Variants in USP34 observed in about 807,000 individuals in gnomAD.
USP34 encodes ubiquitin carboxyl-terminal hydrolase 34.
USP34 carries 70 observed loss-of-function variants against 460.3 expected under a neutral mutation model. The observed-to-expected ratio is 0.15, with a 90% CI of 0.13 to 0.19. USP34 has a LOEUF of 0.19. Ranked by LOEUF, USP34 falls within the 10% of genes least tolerant of loss-of-function variation. The pLI is 1.00. For missense variants in USP34, 3,985 were observed against 4,236.2 expected (o/e 0.94, Z 1.65); for synonymous variants, 1,647 against 1,405.3 (o/e 1.17, Z -3.85).
At chr2:61,381,275 C>T (rs1410107124) in intron 6 of USP34, among the ~76,000 whole-genome samples, 2 of 150,976 alleles carry the variant, frequency 1.3e-5, no homozygotes, top group Non-Finnish European at 3.0e-5. Context: ...AACACACACA[C>T]ACACACACAC....
Position 61,373,883 on chromosome 2 carries a change from G to A in USP34, c.1077-3304C>T, listed in dbSNP as rs139166206. Among the ~76,000 whole-genome samples the A allele has an allele frequency of 8.2e-4, 125 of 152,158 alleles. 1 individual carries two copies. Among genetic ancestry groups the A allele is most frequent in the African/African-American group, 2.9e-3 (119 of 41,520 alleles). ...AAGAGAAAATGGCGTGGCCAAGTAC[G>A]GTGGCTCACACCTGTAATCCCAGCA... On this transcript the variant is annotated intron_variant, in intron 8 of 79. Coordinates refer to ENST00000398571, the MANE Select transcript of USP34 (RefSeq NM_014709.4).
intron 25 of USP34, among the ~76,000 whole-genome samples, chr2:61,313,791 T>C (rs994097531): frequency 1.3e-5 from 2 of 152,094 alleles, no homozygotes; most frequent in Admixed American, 6.6e-5. Context: ...ATGTTATTTA[T>C]AAGGAATGTA....
chr2:61,397,571 G>A (rs1386781106), intron 3 of USP34, among the ~76,000 whole-genome samples: 1 of 152,124 alleles, frequency 6.6e-6, no homozygotes, highest in East Asian at 1.9e-4. Flanking sequence ...TTCAAAACCA[G>A]CCTGGCCAAC....
chr2:61,236,690 A>G (rs531808799), intron 53 of USP34, among the ~76,000 whole-genome samples: 64 of 152,246 alleles, frequency 4.2e-4, no homozygotes, highest in Non-Finnish European at 8.2e-4. Flanking sequence ...TGAATGAAAT[A>G]TAAGTCATGT....
At chr2:61,257,002 T>G in intron 46 of USP34, 50 bp downstream of exon 46, 1 of 1,426,040 alleles carries the variant, frequency 7.0e-7, no homozygotes, top group Non-Finnish European at 9.2e-7. Flanking sequence ...ATAATATAAA[T>G]GAAAATATAT....
intron 49 of USP34, among the ~76,000 whole-genome samples, chr2:61,247,649 C>T (rs929524001): frequency 6.6e-6 from 1 of 152,134 alleles, no homozygotes; most frequent in Non-Finnish European, 1.5e-5. Context: ...CCATCTCAGC[C>T]TCCTAATAGC....
At chr2:61,294,886 A>G (rs1401961466) in intron 32 of USP34, 63 bp downstream of exon 32, 12 of 1,334,184 alleles carry the variant, frequency 9.0e-6, no homozygotes, top group African/African-American at 3.0e-5. Flanking sequence ...TATGGTACCC[A>G]CTTTTGAAAA....
At chr2:61,230,925 T>A (rs2103831498) in intron 58 of USP34, among the ~76,000 whole-genome samples, 1 of 150,702 alleles carries the variant, frequency 6.6e-6, no homozygotes, top group African/African-American at 2.4e-5. Context: ...ACAAAGTATA[T>A]CCAAACAAAA....
At chr2:61,434,051 G>A (rs1418591530) in intron 1 of USP34, among the ~76,000 whole-genome samples, 1 of 152,132 alleles carries the variant, frequency 6.6e-6, no homozygotes, top group African/African-American at 2.4e-5. Context: ...AGCCAACCAA[G>A]CCACTATAAG....
chr2:61,441,406 T>C (rs1001169983), intron 1 of USP34, among the ~76,000 whole-genome samples: 36 of 152,004 alleles, frequency 2.4e-4, no homozygotes, highest in African/African-American at 8.7e-4. Context: ...ATTTTGGAGC[T>C]TTATGGAGTC....
At chr2:61,349,734 G>A (rs1691888697) in intron 12 of USP34, among the ~76,000 whole-genome samples, 3 of 152,012 alleles carry the variant, frequency 2.0e-5, no homozygotes, top group East Asian at 1.9e-4. Context: ...CCAGCTACTC[G>A]GGAGGCTGAG....
At chr2:61,334,067 C>G in intron 18 of USP34, 96 bp from the exon 19 acceptor site, 1 of 827,848 alleles carries the variant, frequency 1.2e-6, no homozygotes, top group Non-Finnish European at 1.8e-6. Flanking sequence ...TTTAATGAAT[C>G]TTGCATAGAG....
At chr2:61,452,228 G>A (rs1001104645) in intron 1 of USP34, among the ~76,000 whole-genome samples, 1 of 151,092 alleles carries the variant, frequency 6.6e-6, no homozygotes, top group Non-Finnish European at 1.5e-5. Context: ...TCTTGAGTGG[G>A]AATGACCTTT....
intron 3 of USP34, among the ~76,000 whole-genome samples, chr2:61,401,699 C>T (rs1693725740): frequency 2.0e-5 from 3 of 149,962 alleles, no homozygotes; most frequent in African/African-American, 7.3e-5. Flanking sequence ...CAGGCACCCG[C>T]TACCACGCCC....
intron 64 of USP34, 64 bp downstream of exon 64, chr2:61,222,996 C>G: frequency 1.4e-6 from 2 of 1,420,366 alleles, no homozygotes; most frequent in Non-Finnish European, 1.9e-6. Context: ...CGCACTCGGC[C>G]AGATTTCAGG....
At chr2:61,268,438 TAA>T (rs35618230) in intron 41 of USP34, among the ~76,000 whole-genome samples, 1,069 of 53,378 alleles carry the variant, frequency 0.02, 20 homozygotes, top group Admixed American at 0.024. Flanking sequence ...GAGCTGTTGT[TAA>T]AAAAAAAAAA....
At chr2:61,372,207 T>C (rs1018808231) in intron 8 of USP34, among the ~76,000 whole-genome samples, 9 of 152,168 alleles carry the variant, frequency 5.9e-5, no homozygotes, top group African/African-American at 2.2e-4. Flanking sequence ...AATAGAATTT[T>C]ATGCTAACAA....
At chr2:61,302,565 A>T (rs1217920741) in intron 27 of USP34, among the ~76,000 whole-genome samples, 2 of 152,158 alleles carry the variant, frequency 1.3e-5, no homozygotes, top group Admixed American at 6.5e-5. Context: ...TTTCTTCTAA[A>T]TTTTCCTACC....
intron 8 of USP34, among the ~76,000 whole-genome samples, chr2:61,371,690 G>A (rs1387883475): frequency 1.3e-5 from 2 of 152,144 alleles, no homozygotes; most frequent in African/African-American, 2.4e-5. Context: ...CTACAGTAGT[G>A]TAGAGTCACA....
Sources: allele counts gnomAD v4.1 joint callset (sites outside exome capture counted in the v4.1 genomes callset), GRCh38; gene constraint gnomAD v4.1.1; transcripts MANE v1.5; gene names NCBI Gene and HGNC (gene_info 2026-07-23, HGNC 2026-07-21).